Variants in GCN1 observed in about 807,000 individuals in gnomAD.
GCN1 encodes GCN1 activator of EIF2AK4.
In GCN1, 90 loss-of-function variants were observed where a neutral mutation model predicts 288.4. The observed-to-expected ratio is 0.31, with a 90% CI of 0.26 to 0.37. The LOEUF is 0.37. Ranked by LOEUF, GCN1 falls within the 10% of genes least tolerant of loss-of-function variation. The pLI is 1.00. For synonymous variants in GCN1, 1,386 were observed against 1,420.2 expected (o/e 0.98, Z 0.54); for missense variants, 2,586 against 3,419.9 (o/e 0.76, Z 6.08).
chr12:120,165,917 G>A (rs548988129), intron 16 of GCN1, among the ~76,000 whole-genome samples: 17 of 151,758 alleles, frequency 1.1e-4, no homozygotes, highest in East Asian at 5.9e-4. Context: ...TCAGCCTCCC[G>A]AGTAGCTGGG....
At position 120,137,977 on chromosome 12, in the gene GCN1, G is replaced by A. The variant is rs1164042967; in HGVS notation, c.6317C>T (p.Thr2106Ile). 2.5e-6 allele frequency: 4 copies of A among 1,614,156 alleles called. No individual in the cohort carries two copies. The South Asian group carries it at 4.4e-5, about 18-fold the overall frequency. Reference protein sequence around the residue: ...FLSSVAGDALTRHLGVILPAV... With the variant: ...FLSSVAGDALIRHLGVILPAV... ...TGGGAGGATCACGCCAAGATGACGG[G>A]TGAGGGCATCACCAGCCACTGACGA... Residue 2106 changes from threonine (T) to isoleucine (I), a missense_variant, in exon 48 of 58, where the codon ACC (threonine) becomes ATC (isoleucine). Thr to Ile is a moderately conservative substitution (Grantham distance 89). Around this residue, in one of 8 missense-constraint regions of GCN1, gnomAD observed 437 missense variants for 570.5 expected, o/e 0.77. Transcript: ENST00000300648. This position sits in a 1 kb window ranked among gnomAD's most constrained non-coding sequence, Gnocchi z 5.2.
intron 54 of GCN1, among the ~76,000 whole-genome samples, chr12:120,131,612 A>G (rs1169635181): frequency 6.6e-6 from 1 of 152,134 alleles, no homozygotes; most frequent in Non-Finnish European, 1.5e-5. Context: ...CTGCAAATTC[A>G]GTATTGTTTG....
chr12:120,134,594 C>T lies in GCN1; in HGVS notation c.7141G>A (p.Val2381Met). The change falls in exon 52 of 58, where the codon GTG becomes ATG. Residue 2381 changes from valine (V) to methionine (M), a missense_variant. Physicochemically the swap from Val to Met is conservative, Grantham distance 21. Coordinates refer to ENST00000300648, the MANE Select transcript of GCN1 (RefSeq NM_006836.2). The surrounding 1 kb of genome is among the most constrained non-coding windows in gnomAD (Gnocchi z 5.0). The stretch of plus-strand genomic sequence containing the variant: ...AGCAGCTCTGTGAAGAGGGGGTCCA[C>T]CTTAATGTGGATGGAAATGAGCTTC... ...LGKLISIHIK[V>M]DPLFTELLNG... is the part of the protein sequence containing the mutation. The T allele has an allele frequency of 6.2e-7, 1 of 1,614,140 alleles. No individual in the cohort carries two copies. The highest frequency in any genetic ancestry group is 8.5e-7 in the Non-Finnish European group (1 of 1,180,018).
chr12:120,151,313 G>A lies in GCN1; in HGVS notation c.4141C>T (p.Leu1381Phe). 1 of 1,614,158 alleles carries A rather than the reference G, an allele frequency of 6.2e-7. No individual in the cohort carries two copies. The highest frequency in any genetic ancestry group is 2.2e-5 in the East Asian group (1 of 44,874). The change falls in exon 34 of 58, where the codon CTT becomes TTT. Residue 1381 changes from leucine to phenylalanine, a missense_variant. Physicochemically the swap from Leu to Phe is conservative, Grantham distance 22. Coordinates refer to ENST00000300648, the MANE Select transcript of GCN1 (RefSeq NM_006836.2). Reference protein sequence around the residue: ...KEDAGGMIQRLMQQLLESDKY... With the variant: ...KEDAGGMIQRFMQQLLESDKY... ...TCTGACTCCAGCAGCTGCTGCATAA[G>A]CCTCTGGATCATCCCTCCAGCATCC...
rs891575371 is a variant in GCN1 at position 120,155,159 on chromosome 12, T to C, written c.3630+82A>G. 4 of 1,537,626 alleles carry C rather than the reference T, an allele frequency of 2.6e-6. No homozygotes were observed. Among genetic ancestry groups the C allele is most frequent in the Non-Finnish European group, 3.6e-6 (4 of 1,111,302 alleles). On this transcript the variant is annotated intron_variant, in intron 30 of 57. Transcript: ENST00000300648. This position sits in a 1 kb window ranked among gnomAD's most constrained non-coding sequence, Gnocchi z 4.9. ...GAGCCACCGTGAGCCCCGAGATTCC[T>C]GTCTGGAGCAGTAGCGGGGTGAGCA...
chr12:120,129,491 GAC>G lies in GCN1; in HGVS notation c.7673_7674del (p.Cys2558SerfsTer13). The G allele has an allele frequency of 2.5e-6, 4 of 1,610,818 alleles. No homozygotes were observed. The highest frequency in any genetic ancestry group is 3.4e-6 in the Non-Finnish European group (4 of 1,176,980). On this transcript the variant is annotated frameshift_variant and splice_region_variant, in exon 57 of 58. Transcript: ENST00000300648. LOFTEE classifies it high-confidence loss of function. ...CTGATGTCGCTGGATGGGTTCTGCA[GAC>G]ACTGTAAAAAGAACCACAAACAGGC... ...PAKLSSLFVK[C>X]LQNPSSDIRL...
At position 120,151,224 on chromosome 12, in the gene GCN1, G is replaced by A. The variant is rs1877541564; in HGVS notation, c.4230C>T (p.Ile1410=). The A allele has an allele frequency of 6.2e-7, 1 of 1,614,134 alleles. No individual in the cohort carries two copies. The highest frequency in any genetic ancestry group is 2.2e-5 in the East Asian group (1 of 44,880). The change falls in exon 34 of 58, where the codon ATC becomes ATT. Residue 1410 remains isoleucine (I), a synonymous_variant. Coordinates refer to ENST00000300648, the MANE Select transcript of GCN1 (RefSeq NM_006836.2). ...GLAGLVKGLG[I]LSLKQQEMMA... is the part of the protein sequence containing the mutation. ...TCATCTCCTGTTGCTTCAGCGAGAGGATGCCCAGGCCCTTCACCAGGCCCG... is the reference window on the plus strand; with the variant it reads ...TCATCTCCTGTTGCTTCAGCGAGAGAATGCCCAGGCCCTTCACCAGGCCCG...
intron 14 of GCN1, among the ~76,000 whole-genome samples, chr12:120,173,349 T>G (rs970121138): frequency 3.9e-5 from 6 of 152,166 alleles, no homozygotes; most frequent in Non-Finnish European, 7.3e-5. Context: ...CACCCAGCCC[T>G]TAAACCAGTC....
intron 15 of GCN1, among the ~76,000 whole-genome samples, chr12:120,169,248 G>C (rs7294993): frequency 1.5e-5 from 2 of 130,168 alleles, no homozygotes; most frequent in Non-Finnish European, 3.1e-5. Context: ...CTGCACTCCA[G>C]CCTGGGCGAC....
chr12:120,168,351 A>G (rs1332181989), intron 15 of GCN1, 51 bp from the exon 16 acceptor site: 1 of 1,085,700 alleles, frequency 9.2e-7, no homozygotes, highest in African/African-American at 1.5e-5. Flanking sequence ...CATCCCCCAG[A>G]GCTGATCTAC....
At position 120,156,596 on chromosome 12, in the gene GCN1, A is replaced by C. The variant is rs1877756000; in HGVS notation, c.3177T>G (p.Ala1059=). The part of the protein sequence containing the change: ...GTGSPRLQVL[A]SDTLTTLCAS... ...CACACAGGGTGGTCAGGGTGTCTGA[A>C]GCCAGAACCTAAGGAGAACATCAAT... Residue 1059 remains alanine, a synonymous_variant, in exon 28 of 58, where the codon GCT becomes GCG. Transcript: ENST00000300648. The surrounding 1 kb of genome is among the most constrained non-coding windows in gnomAD (Gnocchi z 5.8). 2 of 1,613,906 alleles carry C rather than the reference A, an allele frequency of 1.2e-6. No individual in the cohort carries two copies. Among genetic ancestry groups the C allele is most frequent in the African/African-American group, 2.7e-5 (2 of 74,928 alleles).
intron 16 of GCN1, among the ~76,000 whole-genome samples, chr12:120,165,950 C>A (rs537833016): frequency 1.3e-5 from 2 of 151,896 alleles, no homozygotes; most frequent in South Asian, 4.2e-4. Flanking sequence ...TGCTACCACG[C>A]CCAGCTTATT....
rs1385093477 is a variant in GCN1 at position 120,137,799 on chromosome 12, G to T, written c.6409C>A (p.Gln2137Lys). The change falls in exon 49 of 58, where the codon CAG (glutamine) becomes AAG (lysine). Residue 2137 changes from glutamine (Q) to lysine (K), a missense_variant. Physicochemically the swap from Gln to Lys is moderately conservative, Grantham distance 53. This residue lies in a region of GCN1 where 437 missense variants were observed against 570.5 expected (regional missense o/e 0.77). Coordinates refer to ENST00000300648, the MANE Select transcript of GCN1 (RefSeq NM_006836.2). This position sits in a 1 kb window ranked among gnomAD's most constrained non-coding sequence, Gnocchi z 5.2. ...TCCTCTACGGAGAGGATCACAGCCT[G>T]ACAATTGGCCATCTCCTGCAAACCA... ...PDEQLEMANC[Q>K]AVILSVEDDT... 1 of 1,613,696 alleles carries T rather than the reference G, an allele frequency of 6.2e-7. No individual in the cohort carries two copies. Among genetic ancestry groups the T allele is most frequent in the Non-Finnish European group, 8.5e-7 (1 of 1,179,602 alleles).
rs748647432 is a variant in GCN1, at chr12:120,147,292, A to G, written c.4727-20T>C. The G allele has an allele frequency of 3.4e-6, 5 of 1,461,326 alleles. No individual in the cohort carries two copies. The Admixed American group carries it at 5.4e-5, about 16-fold the overall frequency. The allele number at this position is 1,461,326 out of a possible 1,614,324, so 90.5% of individuals were successfully genotyped here. Reference sequence around the variant, plus strand: ...CAATGGCTGCACATCCAAAGAGAAGAGAGCTGGATGATATACATCTATGCA... The same window carrying G: ...CAATGGCTGCACATCCAAAGAGAAGGGAGCTGGATGATATACATCTATGCA... On this transcript the variant is annotated intron_variant, in intron 37 of 57. Transcript: ENST00000300648.
chr12:120,158,049 GA>G lies in GCN1; in HGVS notation c.2906-20del, dbSNP rs1877808772. The G allele has an allele frequency of 6.2e-7, 1 of 1,611,718 alleles. No individual in the cohort carries two copies. The highest frequency in any genetic ancestry group is 8.5e-7 in the Non-Finnish European group (1 of 1,178,420). ...GCAGCACCTGTGAGAGCGAGAAGCAGATAAGATTCTGCAGGCAGGGCAGGGA... is the reference window on the plus strand; with the variant it reads ...GCAGCACCTGTGAGAGCGAGAAGCAGTAAGATTCTGCAGGCAGGGCAGGGA... On this transcript the variant is annotated intron_variant, in intron 25 of 57. Transcript: ENST00000300648. The surrounding 1 kb of genome is among the most constrained non-coding windows in gnomAD (Gnocchi z 4.3).
chr12:120,183,685 G>A lies in GCN1; in HGVS notation c.318-8C>T. Reference sequence around the variant, plus strand: ...GCAGAGCCACTGCTCTTACTGCAGAGCAGAGTTGGGGATGAGTTCAGAGCA... The same window carrying A: ...GCAGAGCCACTGCTCTTACTGCAGAACAGAGTTGGGGATGAGTTCAGAGCA... On this transcript the variant is annotated splice_polypyrimidine_tract_variant and splice_region_variant and intron_variant, in intron 4 of 57. Transcript: ENST00000300648. The A allele has an allele frequency of 6.4e-7, 1 of 1,560,980 alleles. No homozygotes were observed. Among genetic ancestry groups the A allele is most frequent in the Non-Finnish European group, 8.8e-7 (1 of 1,131,920 alleles).
At chr12:120,187,337 C>A (rs1234634748) in intron 2 of GCN1, among the ~76,000 whole-genome samples, 1 of 151,876 alleles carries the variant, frequency 6.6e-6, no homozygotes, top group Non-Finnish European at 1.5e-5. Context: ...CTCTGCCTCC[C>A]AAAGTAGCTG....
intron 36 of GCN1, among the ~76,000 whole-genome samples, chr12:120,149,159 G>A (rs935782251): frequency 3.3e-5 from 5 of 152,080 alleles, no homozygotes; most frequent in African/African-American, 7.2e-5. Context: ...CTGACTTAGG[G>A]TTGTGGCTCT....
chr12:120,183,863 C>A (rs1254678306), intron 4 of GCN1, among the ~76,000 whole-genome samples, 186 bp from the exon 5 acceptor site: 1 of 152,234 alleles, frequency 6.6e-6, no homozygotes, highest in Non-Finnish European at 1.5e-5. Context: ...AGTGGCCAAA[C>A]TCCCATCTCT....
Sources: gnomAD v4.1 joint callset for allele counts (sites outside exome capture counted in the v4.1 genomes callset) on GRCh38, gnomAD v4.1.1 for gene constraint, gnomAD v4.1.1 regional missense constraint, Gnocchi (gnomAD v3.1) non-coding constraint, MANE v1.5 for transcripts, NCBI Gene and HGNC (gene_info 2026-07-23, HGNC 2026-07-21) for gene names.